The following DEPTOR variants were observed in gnomAD, a reference collection of about 807,000 sequenced individuals.
DEPTOR encodes DEP domain-containing mTOR-interacting protein.
A neutral mutation model predicts 41.6 loss-of-function variants in DEPTOR; 41 were observed. The ratio of observed to expected loss-of-function variants is 0.98; its 90% CI spans 0.77 to 1.28. The LOEUF is 1.28. DEPTOR is among the 50% of genes most tolerant of loss of function. The probability of loss-of-function intolerance (pLI) is 0.00; values close to 1 mark genes in which losing one functional copy is unlikely to be tolerated. For missense variants in DEPTOR, 514 were observed against 527.9 expected (o/e 0.97, Z 0.26); for synonymous variants, 195 against 192.3 (o/e 1.01, Z -0.12).
chr8:119,911,092 G>A (rs1181410264), intron 1 of DEPTOR, among the ~76,000 whole-genome samples: 1 of 152,152 alleles, frequency 6.6e-6, no homozygotes, highest in East Asian at 1.9e-4. Context: ...GTGAACAGGA[G>A]CACCTTCAGT....
In DEPTOR at chr8:119,995,358, A is replaced by G. The variant is rs945775670; in HGVS notation, c.605-6167A>G. On this transcript the variant is annotated intron_variant, in intron 4 of 8. Transcript: ENST00000286234. ...TCCCAGCACTTTGGGAGGCAAGGCG[A>G]GTGGATCACCTGAGGTCAGGAGTTC... Among the ~76,000 whole-genome samples the G allele has an allele frequency of 2.0e-5, 3 of 152,002 alleles. No homozygotes were observed. The East Asian group carries it at 5.8e-4, about 29-fold the overall frequency.
At chr8:119,877,063 C>T (rs778358414) in intron 1 of DEPTOR, among the ~76,000 whole-genome samples, 4 of 152,138 alleles carry the variant, frequency 2.6e-5, no homozygotes, top group Non-Finnish European at 5.9e-5. Context: ...CTGCCTCCAC[C>T]ATTTATTCTG....
chr8:119,911,654 C>G (rs1030723792), intron 1 of DEPTOR, among the ~76,000 whole-genome samples: 2 of 152,144 alleles, frequency 1.3e-5, no homozygotes, highest in African/African-American at 4.8e-5. Flanking sequence ...ATAACATGTT[C>G]CTTTCTGAAG....
chr8:120,048,384 C>G (rs1047562802), intron 8 of DEPTOR, among the ~76,000 whole-genome samples: 1 of 152,204 alleles, frequency 6.6e-6, no homozygotes, highest in Non-Finnish European at 1.5e-5. Flanking sequence ...TTGCAAATTA[C>G]TGTGGCCTAG....
intron 3 of DEPTOR, among the ~76,000 whole-genome samples, chr8:119,941,719 A>G (rs1007033221): frequency 1.3e-5 from 2 of 152,212 alleles, no homozygotes; most frequent in Non-Finnish European, 2.9e-5. Context: ...TTCGTTCTAA[A>G]CCAAGAAGAT....
intron 1 of DEPTOR, 81 bp downstream of exon 1, chr8:119,874,049 C>A: frequency 1.3e-6 from 2 of 1,580,776 alleles, no homozygotes; most frequent in African/African-American, 2.8e-5. Flanking sequence ...CACGCGCTCC[C>A]TGGCTCGTGG....
chr8:119,900,634 C>T (rs1827578524), intron 1 of DEPTOR, among the ~76,000 whole-genome samples: 1 of 151,980 alleles, frequency 6.6e-6, no homozygotes, highest in Non-Finnish European at 1.5e-5. Flanking sequence ...AGTGATCCTC[C>T]TGGCTCAGCC....
intron 4 of DEPTOR, among the ~76,000 whole-genome samples, chr8:120,001,314 C>A (rs1015327670): frequency 6.6e-6 from 1 of 152,060 alleles, no homozygotes; most frequent in South Asian, 2.1e-4. Context: ...GGCAAAGTTC[C>A]CCAGAGGAAT....
intron 3 of DEPTOR, among the ~76,000 whole-genome samples, chr8:119,946,874 T>C (rs1313597221): frequency 6.6e-6 from 1 of 152,246 alleles, no homozygotes; most frequent in Non-Finnish European, 1.5e-5. Flanking sequence ...GGCTTTTCTC[T>C]GTTTCACCTG....
chr8:119,993,276 AT>A (rs1394541844), intron 4 of DEPTOR, among the ~76,000 whole-genome samples: 1 of 152,212 alleles, frequency 6.6e-6, no homozygotes, highest in Non-Finnish European at 1.5e-5. Context: ...CAAATAGTGA[AT>A]TGAGTGCTTC....
At chr8:119,949,772 C>T (rs1313480205) in intron 3 of DEPTOR, among the ~76,000 whole-genome samples, 7 of 152,086 alleles carry the variant, frequency 4.6e-5, no homozygotes, top group South Asian at 2.1e-4. Context: ...CTCCACCTCC[C>T]GGGTTCAAGC....
At chr8:119,989,996 G>A (rs193053301) in intron 4 of DEPTOR, among the ~76,000 whole-genome samples, 69 of 152,292 alleles carry the variant, frequency 4.5e-4, no homozygotes, top group Middle Eastern at 3.4e-3. Context: ...CCATTTGCCG[G>A]ATGAAATAAT....
Position 120,006,963 on chromosome 8 carries a change from T to G in DEPTOR, c.996+88T>G, listed in dbSNP as rs1032462534. 2.5e-5 allele frequency: 31 copies of G among 1,231,358 alleles called. No homozygotes were observed. In the African/African-American group the frequency reaches 2.9e-4, roughly 12 times the overall value. 76.3% of individuals were successfully genotyped at this position (1,231,358 alleles called of 1,614,324 possible). A position where few individuals can be genotyped will look rare whatever the true frequency, so the allele number is the denominator to read the frequency against. On this transcript the variant is annotated intron_variant, in intron 7 of 8. Transcript: ENST00000286234. ...TCAATGGGTAGCTTATAGACTGAAA[T>G]GAAAACTACTTTTCTAATTTTCTTT...
chr8:119,931,504 T>C (rs554108073), intron 3 of DEPTOR, among the ~76,000 whole-genome samples: 1 of 152,284 alleles, frequency 6.6e-6, no homozygotes, highest in East Asian at 1.9e-4. Flanking sequence ...TAGTAAGACC[T>C]CACAGATGAT....
At chr8:119,930,059 T>C (rs1828021537) in intron 3 of DEPTOR, 121 bp downstream of exon 3, 3 of 1,215,014 alleles carry the variant, frequency 2.5e-6, no homozygotes, top group South Asian at 4.7e-5. Context: ...ATAACTGTTC[T>C]TTTCCATATG....
intron 3 of DEPTOR, among the ~76,000 whole-genome samples, chr8:119,934,128 G>A (rs1013563396): frequency 2.4e-4 from 37 of 152,100 alleles, no homozygotes; most frequent in Admixed American, 6.6e-4. Context: ...TGATCTGTCC[G>A]CCTCGGACTC....
In DEPTOR at chr8:120,028,988, G is replaced by T. The variant is rs147891548; in HGVS notation, c.1101+19855G>T. Among the ~76,000 whole-genome samples, 42 of 151,630 alleles carry T rather than the reference G, an allele frequency of 2.8e-4. No homozygotes were observed. In the East Asian group the frequency reaches 8.3e-3, roughly 30 times the overall value. The stretch of plus-strand genomic sequence containing the variant: ...CTTGGGAGGCTGAAATAGGAAAATC[G>T]CTTGAACCTGGGAGGCAGAGGTTGT... On this transcript the variant is annotated intron_variant, in intron 8 of 8. Transcript: ENST00000286234.
intron 8 of DEPTOR, among the ~76,000 whole-genome samples, chr8:120,035,792 A>T (rs368143110): frequency 1.3e-5 from 2 of 152,324 alleles, no homozygotes; most frequent in East Asian, 3.9e-4. Flanking sequence ...TCGGCCTCCC[A>T]AAGTGCTGGG....
intron 8 of DEPTOR, among the ~76,000 whole-genome samples, chr8:120,046,739 ACCT>A (rs1463362518): frequency 6.6e-6 from 1 of 151,488 alleles, no homozygotes; most frequent in Non-Finnish European, 1.5e-5. Flanking sequence ...ACCACGCCCA[ACCT>A]CCTTTCATCT....
Sources: gnomAD v4.1 joint callset for allele counts (sites outside exome capture counted in the v4.1 genomes callset) on GRCh38, gnomAD v4.1.1 for gene constraint, MANE v1.5 for transcripts, NCBI Gene and HGNC (gene_info 2026-07-23, HGNC 2026-07-21) for gene names.